TBL1XR1: variants seen among roughly 807,000 people sequenced by gnomAD.
TBL1XR1 encodes TBL1X/Y related 1, also known as F-box-like/WD repeat-containing protein TBL1XR1.
A neutral mutation model predicts 66.9 loss-of-function variants in TBL1XR1; 5 were observed. The observed-to-expected ratio is 0.07, with a 90% CI of 0.04 to 0.16. TBL1XR1 has a LOEUF of 0.16. Among genes scored for constraint, TBL1XR1 ranks in the 10% least tolerant of loss-of-function variants. The pLI is 1.00. For missense variants in TBL1XR1, 238 were observed against 623.2 expected (o/e 0.38, Z 6.58); for synonymous variants, 210 against 206.0 (o/e 1.02, Z -0.17).
chr3:177,074,687 G>A (rs965837111), intron 2 of TBL1XR1, among the ~76,000 whole-genome samples: 9 of 151,988 alleles, frequency 5.9e-5, no homozygotes, highest in South Asian at 2.1e-4. Flanking sequence ...AACCCTCACC[G>A]CCACCAAGTA....
At chr3:177,073,946 C>A (rs1161443464) in intron 2 of TBL1XR1, among the ~76,000 whole-genome samples, 1 of 152,184 alleles carries the variant, frequency 6.6e-6, no homozygotes, top group Non-Finnish European at 1.5e-5. Context: ...CTCTCTCTTG[C>A]AGCATTTATT....
chr3:177,186,145 G>C (rs1244136449), intron 1 of TBL1XR1, among the ~76,000 whole-genome samples: 1 of 152,092 alleles, frequency 6.6e-6, no homozygotes, highest in Non-Finnish European at 1.5e-5. Context: ...ATACACCTGG[G>C]GTTTTTTTGC....
At chr3:177,031,932 T>TGAAAATAATG (rs1216132463) in intron 14 of TBL1XR1, among the ~76,000 whole-genome samples, 8 of 151,874 alleles carry the variant, frequency 5.3e-5, no homozygotes, top group African/African-American at 1.9e-4. Context: ...ATAACCCAGT[T>TGAAAATAATG]GAAAATAATG....
In TBL1XR1 at chr3:177,025,395, A is replaced by T. The variant is rs748543955; in HGVS notation, c.*103T>A. The T allele has an allele frequency of 4.1e-6, 5 of 1,210,636 alleles. No homozygotes were observed. Among genetic ancestry groups the T allele is most frequent in the Non-Finnish European group, 6.0e-6 (5 of 834,560 alleles). The allele number at this position is 1,210,636 out of a possible 1,614,324, so 75.0% of individuals were successfully genotyped here. On this transcript the variant is annotated 3_prime_UTR_variant, in exon 16 of 16. Transcript: ENST00000457928. ...TTTCTTTTAGATTTGGCTGTAGTGG[A>T]CTGGCCATGGTTCAAGTGGGACTAT...
At chr3:177,098,334 T>TA in intron 2 of TBL1XR1, 132 bp downstream of exon 2, 13 of 308,726 alleles carry the variant, frequency 4.2e-5, no homozygotes, top group Non-Finnish European at 5.2e-5. Flanking sequence ...AATAAAAAAT[T>TA]TAAAAAAAAA....
At chr3:177,093,511 C>T (rs1447450048) in intron 2 of TBL1XR1, among the ~76,000 whole-genome samples, 3 of 152,098 alleles carry the variant, frequency 2.0e-5, no homozygotes, top group African/African-American at 7.2e-5. Flanking sequence ...GCCCACATAG[C>T]CAAAGCAAGA....
At chr3:177,190,924 G>GCAATTAATTAATTAAT (rs1736063944) in intron 1 of TBL1XR1, among the ~76,000 whole-genome samples, 3 of 152,144 alleles carry the variant, frequency 2.0e-5, no homozygotes, top group African/African-American at 7.2e-5. Flanking sequence ...AAACAGTTAT[G>GCAATTAATTAATTAAT]GGATTTGTGA....
Position 177,197,424 on chromosome 3 carries a change from G to A in TBL1XR1, c.-425C>T, listed in dbSNP as rs1737009702. ...GGCGCGCGGGGGAAGGGCGCGAGCG[G>A]GGAGAGGAATTGAGGCAGAAGGTAA... On this transcript the variant is annotated 5_prime_UTR_variant, in exon 1 of 16. Coordinates refer to ENST00000457928, the MANE Select transcript of TBL1XR1 (RefSeq NM_024665.7). 6.8e-6 allele frequency: 1 copy of A among 146,776 alleles called. No individual in the cohort carries two copies. The highest frequency in any genetic ancestry group is 2.5e-5 in the African/African-American group (1 of 40,530). The allele number at this position is 146,776 out of a possible 1,614,324, so 9.1% of individuals were successfully genotyped here.
At chr3:177,143,484 C>T (rs1029549115) in intron 1 of TBL1XR1, among the ~76,000 whole-genome samples, 2 of 151,944 alleles carry the variant, frequency 1.3e-5, no homozygotes, top group African/African-American at 4.8e-5. Context: ...TTTTACAGTA[C>T]GTGAAGTGAT....
chr3:177,159,883 G>C (rs557420604), intron 1 of TBL1XR1, among the ~76,000 whole-genome samples: 11 of 152,220 alleles, frequency 7.2e-5, no homozygotes, highest in African/African-American at 2.6e-4. Context: ...TAAAATTTAG[G>C]ATGTCTATTT....
intron 1 of TBL1XR1, among the ~76,000 whole-genome samples, chr3:177,194,699 T>C (rs889027779): frequency 1.3e-5 from 2 of 152,160 alleles, no homozygotes; most frequent in Admixed American, 1.3e-4. Flanking sequence ...TATATTACCT[T>C]CTGTTAGCTT....
chr3:177,139,405 C>T (rs541979716), intron 1 of TBL1XR1, among the ~76,000 whole-genome samples: 3 of 152,118 alleles, frequency 2.0e-5, no homozygotes, highest in South Asian at 2.1e-4. Context: ...AGTGCTGGCG[C>T]GCGCCTGTAG....
intron 1 of TBL1XR1, among the ~76,000 whole-genome samples, chr3:177,163,655 ATTAC>A: frequency 6.6e-6 from 1 of 152,302 alleles, no homozygotes; most frequent in East Asian, 1.9e-4. Flanking sequence ...TATACACTTA[ATTAC>A]TTTTATATAT....
chr3:177,165,305 G>A (rs777709997), intron 1 of TBL1XR1, among the ~76,000 whole-genome samples: 1 of 152,070 alleles, frequency 6.6e-6, no homozygotes, highest in Non-Finnish European at 1.5e-5. Context: ...TAACAATATG[G>A]ATAAGATCTA....
In TBL1XR1 at chr3:177,119,446, A is replaced by AT. The variant is rs1258557183; in HGVS notation, c.-121-20906dup. ...TCCTATATAATTAGGGCTTCTTTTG[A>AT]TTTTGTTTAGATAAGTAAATAGACA... On this transcript the variant is annotated intron_variant, in intron 1 of 15. Transcript: ENST00000457928. Among the ~76,000 whole-genome samples the AT allele has an allele frequency of 9.9e-5, 15 of 152,018 alleles. No homozygotes were observed. The South Asian group carries it at 1.9e-3, about 19-fold the overall frequency.
intron 13 of TBL1XR1, 25 bp from the exon 14 acceptor site, chr3:177,033,161 A>C: frequency 6.7e-7 from 1 of 1,495,606 alleles, no homozygotes; most frequent in Non-Finnish European, 9.0e-7. Flanking sequence ...AAAGAAAGTT[A>C]ATTTATAAGT....
At chr3:177,088,925 T>C (rs2108635330) in intron 2 of TBL1XR1, among the ~76,000 whole-genome samples, 1 of 152,270 alleles carries the variant, frequency 6.6e-6, no homozygotes, top group Middle Eastern at 3.4e-3. Context: ...AAAGTAACAA[T>C]GAACTTTCCT....
In TBL1XR1 at chr3:177,024,491, A is replaced by G. The variant is rs528718994; in HGVS notation, c.*1007T>C. The stretch of plus-strand genomic sequence containing the variant: ...AATCTCTTAAAAAACAAAGCAAAAC[A>G]AACAAACAACAAAAAACCCAAAACT... On this transcript the variant is annotated 3_prime_UTR_variant, in exon 16 of 16. Transcript: ENST00000457928. The G allele has an allele frequency of 6.6e-6, 1 of 152,650 alleles. No homozygotes were observed. The allele number at this position is 152,650 out of a possible 1,614,324, so 9.5% of individuals were successfully genotyped here. A position where few individuals can be genotyped will look rare whatever the true frequency, so the allele number is the denominator to read the frequency against.
chr3:177,125,386 A>T (rs73039663), intron 1 of TBL1XR1, among the ~76,000 whole-genome samples: 1 of 152,142 alleles, frequency 6.6e-6, no homozygotes, highest in East Asian at 1.9e-4. Flanking sequence ...AAAAACAGTG[A>T]TAAGGGTTGA....
Sources: allele counts gnomAD v4.1 joint callset (sites outside exome capture counted in the v4.1 genomes callset), GRCh38; gene constraint gnomAD v4.1.1; transcripts MANE v1.5; gene names NCBI Gene and HGNC (gene_info 2026-07-23, HGNC 2026-07-21).